The following NAALADL2 variants were observed in gnomAD, a reference collection of about 807,000 sequenced individuals.
NAALADL2 encodes N-acetylated alpha-linked acidic dipeptidase like 2.
A neutral mutation model predicts 87.2 loss-of-function variants in NAALADL2; 76 were observed. The observed-to-expected ratio is 0.87, with a 90% CI of 0.72 to 1.05. The LOEUF is 1.05. Among genes scored for constraint, NAALADL2 ranks in the 50% least tolerant of loss-of-function variants. The probability of loss-of-function intolerance (pLI) is 0.00; values close to 1 mark genes in which losing one functional copy is unlikely to be tolerated. For missense variants in NAALADL2, 1,089 were observed against 945.8 expected, an observed-to-expected ratio of 1.15 and a Z score of -1.99; for synonymous variants, 354 against 331.0, an observed-to-expected ratio of 1.07 and a Z score of -0.75.
At chr3:175,053,253 T>C (rs1755653522) in intron 1 of NAALADL2, among the ~76,000 whole-genome samples, 1 of 152,204 alleles carries the variant, frequency 6.6e-6, no homozygotes, top group African/African-American at 2.4e-5. Context: ...ATAAGTATAA[T>C]TGTTCTCTGT....
rs114209128 is a variant in NAALADL2 at position 174,514,655 on chromosome 3, A to G, written c.-183-35914A>G. On this transcript the variant is annotated intron_variant, in intron 1 of 3. Transcript: ENST00000434257. ...TTTCACATTTGGGCTCTTTTTTCAT[A>G]GGAGTATATTTGCTTTTATGTTATT... Among the ~76,000 whole-genome samples, 361 of 152,222 alleles carry G rather than the reference A, an allele frequency of 2.4e-3. 3 individuals carry two copies. The highest frequency in any genetic ancestry group is 8.3e-3 in the African/African-American group (346 of 41,558).
intron 11 of NAALADL2, among the ~76,000 whole-genome samples, chr3:175,665,926 T>TC (rs201067996): frequency 0.047 from 6,859 of 147,444 alleles, 216 homozygotes; most frequent in African/African-American, 0.08. Context: ...TGGGACTCTG[T>TC]CCCCCCCCCA....
chr3:174,644,934 C>T (rs1045458626), intron 2 of NAALADL2, among the ~76,000 whole-genome samples: 4 of 152,126 alleles, frequency 2.6e-5, no homozygotes, highest in Admixed American at 6.5e-5. Flanking sequence ...GAGCATGATG[C>T]GATACCTGAG....
At chr3:174,886,237 C>T (rs1431524640) in intron 1 of NAALADL2, among the ~76,000 whole-genome samples, 1 of 152,040 alleles carries the variant, frequency 6.6e-6, no homozygotes, top group Non-Finnish European at 1.5e-5. Context: ...AACTGAAGAA[C>T]TTGGAGTCCA....
chr3:174,520,852 G>T (rs1263629211), intron 1 of NAALADL2, among the ~76,000 whole-genome samples: 1 of 151,864 alleles, frequency 6.6e-6, no homozygotes, highest in Admixed American at 6.6e-5. Flanking sequence ...AACTCAACAA[G>T]AAAAACAACC....
At chr3:174,604,207 T>A (rs1414970098) in intron 2 of NAALADL2, among the ~76,000 whole-genome samples, 1 of 152,192 alleles carries the variant, frequency 6.6e-6, no homozygotes, top group East Asian at 1.9e-4. Flanking sequence ...GTATTTCTCT[T>A]TAGCTCTAAT....
chr3:174,824,666 T>G (rs1281853667), intron 3 of NAALADL2, among the ~76,000 whole-genome samples: 1 of 152,200 alleles, frequency 6.6e-6, no homozygotes, highest in Non-Finnish European at 1.5e-5. Context: ...GATAAATCAA[T>G]CAATTAGGAG....
In NAALADL2 at chr3:175,809,314, C is replaced by G. The variant is rs1423932905; in HGVS notation, c.*6111C>G. The G allele has an allele frequency of 6.6e-6, 1 of 151,660 alleles. No homozygotes were observed. Among genetic ancestry groups the G allele is most frequent in the Non-Finnish European group, 1.5e-5 (1 of 67,888 alleles). 9.4% of individuals were successfully genotyped at this position (151,660 alleles called of 1,614,324 possible). A position where few individuals can be genotyped will look rare whatever the true frequency, so the allele number is the denominator to read the frequency against. ...ATTCTATTTAGCATCTGAGATAGGTCTATATTAGGCAATTTCATGTTTACA... is the reference window on the plus strand; with the variant it reads ...ATTCTATTTAGCATCTGAGATAGGTGTATATTAGGCAATTTCATGTTTACA... On this transcript the variant is annotated 3_prime_UTR_variant, in exon 14 of 14. Transcript: ENST00000454872.
chr3:174,610,476 A>C (rs528169893), intron 2 of NAALADL2, among the ~76,000 whole-genome samples: 64 of 152,276 alleles, frequency 4.2e-4, no homozygotes, highest in African/African-American at 1.5e-3. Flanking sequence ...CAAGAAAAAA[A>C]CAAACAACCC....
In NAALADL2 at chr3:175,425,590, G is replaced by T. The variant is rs148463340; in HGVS notation, c.1091-21639G>T. Among the ~76,000 whole-genome samples the T allele has an allele frequency of 3.4e-3, 518 of 152,182 alleles. 3 individuals carry two copies. The highest frequency in any genetic ancestry group is 0.014 in the Middle Eastern group (4 of 294). ...CACTAATCTCATTGGTCATTAAGGG[G>T]ATTGGAGTCTGTGGCCTCTGGTTAC... On this transcript the variant is annotated intron_variant, in intron 5 of 13. Coordinates refer to ENST00000454872, the MANE Select transcript of NAALADL2 (RefSeq NM_207015.3).
intron 2 of NAALADL2, among the ~76,000 whole-genome samples, chr3:175,097,867 T>C (rs1721426516): frequency 6.6e-6 from 1 of 152,192 alleles, no homozygotes; most frequent in Admixed American, 6.6e-5. Context: ...ATATCTTCTA[T>C]ATTTGCAGAA....
intron 9 of NAALADL2, among the ~76,000 whole-genome samples, chr3:175,574,328 T>C (rs1030622177): frequency 1.3e-5 from 2 of 152,148 alleles, no homozygotes; most frequent in African/African-American, 4.8e-5. Flanking sequence ...CTAGCTTAAA[T>C]AGGGAAAATT....
intron 5 of NAALADL2, among the ~76,000 whole-genome samples, chr3:175,389,125 T>C (rs1768775241): frequency 6.6e-6 from 1 of 151,978 alleles, no homozygotes. Context: ...CTAATTAGAG[T>C]AAGCAACATT....
intron 3 of NAALADL2, among the ~76,000 whole-genome samples, chr3:174,788,916 A>G (rs1180274367): frequency 6.6e-6 from 1 of 152,164 alleles, no homozygotes; most frequent in Non-Finnish European, 1.5e-5. Flanking sequence ...TACAATAATC[A>G]TTAAGTAAAA....
chr3:175,549,228 A>T (rs964881933), intron 9 of NAALADL2, among the ~76,000 whole-genome samples: 9 of 151,932 alleles, frequency 5.9e-5, no homozygotes, highest in Admixed American at 5.9e-4. Flanking sequence ...TAAATAATAC[A>T]CCACCCTTTT....
intron 3 of NAALADL2, among the ~76,000 whole-genome samples, chr3:175,241,321 A>G (rs1746835269): frequency 2.0e-5 from 3 of 152,014 alleles, no homozygotes; most frequent in Admixed American, 2.0e-4. Flanking sequence ...CCCTGCTTCA[A>G]GCAATTCTCC....
chr3:175,481,335 C>CTGTGTG (rs3040504), intron 9 of NAALADL2, among the ~76,000 whole-genome samples: 1,754 of 143,960 alleles, frequency 0.012, 40 homozygotes, highest in African/African-American at 0.041. Context: ...AACAATGCCA[C>CTGTGTG]TGTGTGTGTG....
chr3:175,069,658 C>G (rs1316743700), intron 1 of NAALADL2, among the ~76,000 whole-genome samples: 1 of 151,708 alleles, frequency 6.6e-6, no homozygotes, highest in African/African-American at 2.4e-5. Context: ...CATCCCATTA[C>G]TGGGTATATA....
intron 13 of NAALADL2, among the ~76,000 whole-genome samples, chr3:175,758,181 T>C (rs886532581): frequency 6.6e-6 from 1 of 152,060 alleles, no homozygotes; most frequent in Admixed American, 6.5e-5. Context: ...ATTTTATTCA[T>C]GCTAGTAATG....
Sources: allele counts gnomAD v4.1 joint callset (sites outside exome capture counted in the v4.1 genomes callset), GRCh38; gene constraint gnomAD v4.1.1; transcripts MANE v1.5; gene names NCBI Gene and HGNC (gene_info 2026-07-23, HGNC 2026-07-21).